The following SAMMSON variants were observed in gnomAD, a reference collection of about 807,000 sequenced individuals.
The protein encoded by SAMMSON is survival associated mitochondrial melanoma specific oncogenic non-coding RNA, also known as long intergenic non-protein coding RNA 1212.
chr3:70,157,203 T>C (rs942665121), intron 4 of SAMMSON, among the ~76,000 whole-genome samples: 3 of 152,102 alleles, frequency 2.0e-5, no homozygotes, highest in African/African-American at 7.2e-5. Context: ...CATTGCTTGA[T>C]GCAAATATAT....
intron 4 of SAMMSON, among the ~76,000 whole-genome samples, chr3:70,216,941 A>G (rs1404891809): frequency 6.6e-6 from 1 of 152,172 alleles, no homozygotes; most frequent in Non-Finnish European, 1.5e-5. Flanking sequence ...CAAAACCCAT[A>G]AAAAATGTGG....
At chr3:70,417,643 C>G (rs372671304) in intron 2 of SAMMSON, among the ~76,000 whole-genome samples, 3 of 152,156 alleles carry the variant, frequency 2.0e-5, no homozygotes, top group East Asian at 3.9e-4. Context: ...TTCTCTACTA[C>G]TTTCTCTGAG....
intron 2 of SAMMSON, among the ~76,000 whole-genome samples, chr3:70,427,262 TGTA>T (rs1309479220): frequency 6.6e-6 from 1 of 152,200 alleles, no homozygotes; most frequent in Non-Finnish European, 1.5e-5. Flanking sequence ...CATTCATTGT[TGTA>T]GTCATCTGCT....
intron 9 of SAMMSON, among the ~76,000 whole-genome samples, chr3:70,371,738 G>A (rs138538026): frequency 6.6e-6 from 1 of 152,162 alleles, no homozygotes; most frequent in African/African-American, 2.4e-5. Flanking sequence ...TCTTCGTGGA[G>A]TCTTTTGGTT....
chr3:70,165,336 A>G (rs538554893), intron 4 of SAMMSON, among the ~76,000 whole-genome samples: 1 of 152,072 alleles, frequency 6.6e-6, no homozygotes, highest in African/African-American at 2.4e-5. Context: ...TTGGTATTAG[A>G]GATGAGGCCT....
chr3:70,010,373 G>T (rs1160547404), intron 1 of SAMMSON, among the ~76,000 whole-genome samples: 2 of 152,136 alleles, frequency 1.3e-5, no homozygotes, highest in Non-Finnish European at 2.9e-5. Flanking sequence ...ATGTGGAATT[G>T]TTCCCTTTAC....
intron 3 of SAMMSON, chr3:70,069,347 A>G (rs1411576945): frequency 6.6e-6 from 1 of 152,100 alleles, no homozygotes; most frequent in East Asian, 1.9e-4. Context: ...TTGTGCCTAC[A>G]CTGGCCAAGA....
intron 3 of SAMMSON, chr3:70,068,393 G>T (rs540715415): frequency 2.6e-5 from 4 of 152,176 alleles, no homozygotes; most frequent in African/African-American, 9.6e-5. Context: ...CTCTCCTGTA[G>T]TTCGTGCACA....
chr3:70,045,199 TTATAA>T (rs545220596), intron 3 of SAMMSON, among the ~76,000 whole-genome samples: 3,819 of 140,100 alleles, frequency 0.027, 79 homozygotes, highest in Non-Finnish European at 0.042. Flanking sequence ...ATAATATTAA[TTATAA>T]TATAATTAAA....
chr3:70,256,707 T>A (rs187173944), intron 6 of SAMMSON, among the ~76,000 whole-genome samples: 1 of 152,200 alleles, frequency 6.6e-6, no homozygotes, highest in East Asian at 1.9e-4. Flanking sequence ...ATGGAAAGGG[T>A]CAGATGGCAT....
At chr3:70,040,825 A>G (rs1284487685) in intron 3 of SAMMSON, among the ~76,000 whole-genome samples, 3 of 152,142 alleles carry the variant, frequency 2.0e-5, no homozygotes, top group East Asian at 1.9e-4. Flanking sequence ...TTTGTATGCC[A>G]TAATCAGGAT....
At chr3:70,120,746 C>T (rs545032003) in intron 4 of SAMMSON, 2 of 152,324 alleles carry the variant, frequency 1.3e-5, no homozygotes, top group African/African-American at 4.8e-5. Flanking sequence ...TTGAAGCTCT[C>T]TCAAGTGTCT....
chr3:70,247,175 C>T (rs1162871039), intron 4 of SAMMSON, among the ~76,000 whole-genome samples: 1 of 151,784 alleles, frequency 6.6e-6, no homozygotes, highest in Non-Finnish European at 1.5e-5. Context: ...TTTTTTCTAA[C>T]TTTGGATGAC....
chr3:70,251,659 T>A (rs895861261), intron 6 of SAMMSON, among the ~76,000 whole-genome samples: 19 of 152,202 alleles, frequency 1.2e-4, no homozygotes, highest in Non-Finnish European at 4.4e-5. Flanking sequence ...GCATTGAGAA[T>A]ATTATAATAT....
At chr3:70,368,864 T>A (rs1480868721) in intron 9 of SAMMSON, among the ~76,000 whole-genome samples, 1 of 151,624 alleles carries the variant, frequency 6.6e-6, no homozygotes. Flanking sequence ...CATTTCTGTA[T>A]GAACTTTAGA....
intron 6 of SAMMSON, among the ~76,000 whole-genome samples, chr3:70,280,466 G>A (rs1458488164): frequency 1.3e-5 from 2 of 152,092 alleles, no homozygotes; most frequent in African/African-American, 4.8e-5. Flanking sequence ...CTCAAATAAG[G>A]CATCAATACT....
At chr3:70,162,413 T>C (rs2067619054) in intron 4 of SAMMSON, among the ~76,000 whole-genome samples, 1 of 151,950 alleles carries the variant, frequency 6.6e-6, no homozygotes. Flanking sequence ...TTAAGAAATA[T>C]GTTGTTTAAT....
At chr3:70,277,748 T>C (rs1215416068) in intron 6 of SAMMSON, among the ~76,000 whole-genome samples, 3 of 152,034 alleles carry the variant, frequency 2.0e-5, no homozygotes, top group Admixed American at 6.6e-5. Context: ...GGGAGGGGTG[T>C]GCTTGAGGAT....
At chr3:70,396,169 T>G (rs536024086) in intron 2 of SAMMSON, among the ~76,000 whole-genome samples, 1 of 152,280 alleles carries the variant, frequency 6.6e-6, no homozygotes, top group African/African-American at 2.4e-5. Flanking sequence ...TCTTATTTTC[T>G]CCATATATGA....
Sources: gnomAD v4.1 joint callset for allele counts (sites outside exome capture counted in the v4.1 genomes callset) on GRCh38, gnomAD v4.1.1 for gene constraint, MANE v1.5 for transcripts, NCBI Gene and HGNC (gene_info 2026-07-23, HGNC 2026-07-21) for gene names.